CAST: variants seen among roughly 807,000 people sequenced by gnomAD.
CAST encodes MIR583 host.
Under a neutral mutation model 119.6 loss-of-function variants are expected in CAST, and 76 were observed. That is an observed-to-expected ratio of 0.64 (90% CI 0.53 to 0.77). The LOEUF (loss-of-function observed/expected upper bound fraction) is 0.77. Among genes scored for constraint, CAST ranks in the 30% least tolerant of loss-of-function variants. The probability of loss-of-function intolerance (pLI) is 0.00; values close to 1 mark genes in which losing one functional copy is unlikely to be tolerated. For synonymous variants in CAST, 319 were observed against 331.6 expected (o/e 0.96, Z 0.41); for missense variants, 953 against 946.5 (o/e 1.01, Z -0.09).
At chr5:96,741,117 A>G (rs1239298089) in intron 13 of CAST, 149 bp from the exon 14 acceptor site, 3 of 612,576 alleles carry the variant, frequency 4.9e-6, no homozygotes, top group Admixed American at 3.0e-5. Flanking sequence ...TCTTCAAAAC[A>G]TACACTTTGA....
At chr5:96,463,986 G>A in the CAST span, among the ~76,000 whole-genome samples, 1 of 152,080 alleles carries the variant, frequency 6.6e-6, no homozygotes, top group Non-Finnish European at 1.5e-5. Flanking sequence ...AGAAAATTTT[G>A]GAGGAGGATG....
At chr5:96,621,154 TC>T (rs1315877429) in intron 1 of CAST, among the ~76,000 whole-genome samples, 2 of 152,340 alleles carry the variant, frequency 1.3e-5, no homozygotes, top group Admixed American at 1.3e-4. Flanking sequence ...TAAAAGAGAC[TC>T]CTGTAAGTGT....
the CAST span, among the ~76,000 whole-genome samples, chr5:96,417,874 T>C: frequency 3.3e-5 from 5 of 152,156 alleles, no homozygotes; most frequent in Non-Finnish European, 7.4e-5. Flanking sequence ...GAAGGAGTAA[T>C]TCAGTTGTCA....
At chr5:96,559,356 A>G (rs1292036950) in intron 1 of CAST, among the ~76,000 whole-genome samples, 2 of 152,192 alleles carry the variant, frequency 1.3e-5, no homozygotes, top group Non-Finnish European at 2.9e-5. Context: ...AGTTCTGGCC[A>G]GGGCAATCAG....
the CAST span, among the ~76,000 whole-genome samples, chr5:96,031,466 C>T: frequency 6.6e-6 from 1 of 152,004 alleles, no homozygotes; most frequent in Admixed American, 6.6e-5. Context: ...CCACTTTTGC[C>T]CGCTTGGTAG....
At chr5:96,436,148 T>C in the CAST span, among the ~76,000 whole-genome samples, 374 of 152,298 alleles carry the variant, frequency 2.5e-3, 1 homozygote, top group Middle Eastern at 0.01. Context: ...GCACATTAAC[T>C]CAAAGGTGTA....
chr5:96,657,862 C>T (rs182194372), upstream of CAST, among the ~76,000 whole-genome samples: 227 of 152,184 alleles, frequency 1.5e-3, 1 homozygote, highest in African/African-American at 5.2e-3. Flanking sequence ...TTTGGGAGGC[C>T]GAGGCGAGTG....
At chr5:96,257,405 A>G in the CAST span, among the ~76,000 whole-genome samples, 1 of 152,214 alleles carries the variant, frequency 6.6e-6, no homozygotes, top group South Asian at 2.1e-4. Flanking sequence ...GTTGGAAAAA[A>G]AAGAAATGTT....
chr5:96,016,190 C>A, the CAST span, among the ~76,000 whole-genome samples: 1 of 152,192 alleles, frequency 6.6e-6, no homozygotes, highest in Non-Finnish European at 1.5e-5. Context: ...GCTTTGCCAG[C>A]CTCACAATCA....
the CAST span, among the ~76,000 whole-genome samples, chr5:96,294,721 C>T: frequency 1.3e-5 from 2 of 152,188 alleles, no homozygotes; most frequent in Non-Finnish European, 2.9e-5. Context: ...CTAAGGTTGC[C>T]AGCATTTCGT....
the CAST span, among the ~76,000 whole-genome samples, chr5:96,482,809 G>A: frequency 6.6e-6 from 1 of 152,078 alleles, no homozygotes; most frequent in East Asian, 1.9e-4. Flanking sequence ...CTAGAGAGAA[G>A]TAGAGTATAA....
chr5:96,434,669 A>C, the CAST span, among the ~76,000 whole-genome samples: 1 of 150,914 alleles, frequency 6.6e-6, no homozygotes, highest in Non-Finnish European at 1.5e-5. Context: ...GGCGCGATCT[A>C]TGCTGTAGAA....
chr5:96,032,369 A>G, the CAST span, among the ~76,000 whole-genome samples: 371 of 152,168 alleles, frequency 2.4e-3, 2 homozygotes, highest in African/African-American at 7.8e-3. Context: ...AAAAAGTTGG[A>G]CTTGGAAGCC....
At chr5:95,982,061 A>G in the CAST span, among the ~76,000 whole-genome samples, 3 of 151,836 alleles carry the variant, frequency 2.0e-5, no homozygotes. Context: ...GTTCGATTAC[A>G]TATTATACTG....
At chr5:96,721,421 T>C (rs1176653598) in intron 3 of CAST, among the ~76,000 whole-genome samples, 1 of 152,172 alleles carries the variant, frequency 6.6e-6, no homozygotes, top group Admixed American at 6.5e-5. Context: ...GTGGGTTTCA[T>C]ACAATCACCT....
chr5:96,696,837 T>C (rs1463714467), intron 3 of CAST, among the ~76,000 whole-genome samples: 2 of 144,672 alleles, frequency 1.4e-5, no homozygotes, highest in African/African-American at 2.6e-5. Flanking sequence ...GCCTGGGCAA[T>C]AGAACAAGAC....
At chr5:96,027,470 A>G in the CAST span, among the ~76,000 whole-genome samples, 2 of 152,120 alleles carry the variant, frequency 1.3e-5, no homozygotes, top group African/African-American at 4.8e-5. Context: ...GAAATAGAGA[A>G]TTGTGGTAGA....
chr5:96,463,698 T>G, the CAST span, among the ~76,000 whole-genome samples: 1 of 152,088 alleles, frequency 6.6e-6, no homozygotes, highest in Non-Finnish European at 1.5e-5. Flanking sequence ...ATTAGTGGGG[T>G]ATAGAAGGTG....
the CAST span, among the ~76,000 whole-genome samples, chr5:95,972,333 G>A: frequency 4.6e-5 from 7 of 152,076 alleles, no homozygotes; most frequent in South Asian, 6.2e-4. Flanking sequence ...ATTGCTCATA[G>A]TGACTGTACC....
Sources: gnomAD v4.1 joint callset for allele counts (sites outside exome capture counted in the v4.1 genomes callset) on GRCh38, gnomAD v4.1.1 for gene constraint, MANE v1.5 for transcripts, NCBI Gene and HGNC (gene_info 2026-07-23, HGNC 2026-07-21) for gene names.